Variants in LUZP2 observed in about 807,000 individuals in gnomAD.
The protein encoded by LUZP2 is leucine zipper protein 2.
A neutral mutation model predicts 51.6 loss-of-function variants in LUZP2; 52 were observed. That is an observed-to-expected ratio of 1.01 (90% CI 0.81 to 1.27). LUZP2 has a LOEUF of 1.27. LUZP2 is among the 50% of genes most tolerant of loss of function. LUZP2 has a pLI of 0.00. For synonymous variants in LUZP2, 154 were observed against 137.3 expected, an observed-to-expected ratio of 1.12 and a Z score of -0.85; for missense variants, 436 against 395.4, an observed-to-expected ratio of 1.10 and a Z score of -0.87.
intron 7 of LUZP2, among the ~76,000 whole-genome samples, chr11:24,967,238 A>G (rs1268992818): frequency 2.0e-5 from 3 of 151,944 alleles, no homozygotes; most frequent in Non-Finnish European, 4.4e-5. Flanking sequence ...TCCTGTGGGA[A>G]TTACAGTCTG....
intron 5 of LUZP2, among the ~76,000 whole-genome samples, chr11:24,808,228 C>T (rs1849911699): frequency 6.6e-6 from 1 of 152,134 alleles, no homozygotes; most frequent in Non-Finnish European, 1.5e-5. Context: ...AGCATCATGT[C>T]CTTAAGCCCA....
chr11:24,707,008 AAAAG>A (rs201765998), intron 1 of LUZP2, among the ~76,000 whole-genome samples: 21,239 of 135,860 alleles, frequency 0.16, 1,452 homozygotes, highest in East Asian at 0.31. Flanking sequence ...ATAAAAAAAA[AAAAG>A]AAAAGAAAGG....
chr11:24,981,696 G>A (rs1343263269), intron 8 of LUZP2, among the ~76,000 whole-genome samples: 1 of 151,834 alleles, frequency 6.6e-6, no homozygotes, highest in African/African-American at 2.4e-5. Flanking sequence ...ATTATGTGGG[G>A]AAATCGAGTA....
chr11:24,760,967 A>G (rs1859957337), intron 4 of LUZP2, among the ~76,000 whole-genome samples: 1 of 152,182 alleles, frequency 6.6e-6, no homozygotes, highest in South Asian at 2.1e-4. Context: ...TCAGCTGAGA[A>G]CTAGCCAGTT....
chr11:24,516,158 A>AAGATTAAC (rs1850456257), intron 1 of LUZP2, among the ~76,000 whole-genome samples: 1 of 152,126 alleles, frequency 6.6e-6, no homozygotes, highest in Non-Finnish European at 1.5e-5. Context: ...ACCTGTTTTG[A>AAGATTAAC]AGATTAACAG....
intron 3 of LUZP2, among the ~76,000 whole-genome samples, 184 bp from the exon 4 acceptor site, chr11:24,738,037 G>T (rs1370760531): frequency 1.3e-5 from 2 of 152,100 alleles, no homozygotes; most frequent in African/African-American, 2.4e-5. Flanking sequence ...TATTTGCATG[G>T]GAGAGAAAGC....
At chr11:25,044,652 C>T (rs886069116) in intron 9 of LUZP2, among the ~76,000 whole-genome samples, 61 of 151,948 alleles carry the variant, frequency 4.0e-4, no homozygotes, top group Admixed American at 3.1e-3. Flanking sequence ...GTCAGTGTGG[C>T]GATTCCTCAG....
At chr11:24,903,722 C>CT (rs1853349811) in intron 5 of LUZP2, among the ~76,000 whole-genome samples, 2 of 152,224 alleles carry the variant, frequency 1.3e-5, no homozygotes, top group South Asian at 4.1e-4. Flanking sequence ...AGTCTATGTA[C>CT]TTCAGCTATT....
intron 1 of LUZP2, among the ~76,000 whole-genome samples, chr11:24,681,417 A>G (rs1856733887): frequency 6.6e-6 from 1 of 152,126 alleles, no homozygotes; most frequent in Non-Finnish European, 1.5e-5. Context: ...GTAAGAGGAG[A>G]TCTTTCTTTT....
chr11:24,597,818 C>T (rs1853491953), intron 1 of LUZP2, among the ~76,000 whole-genome samples: 1 of 152,098 alleles, frequency 6.6e-6, no homozygotes, highest in Admixed American at 6.6e-5. Flanking sequence ...AGATACTCAT[C>T]ACCAGCCACC....
intron 1 of LUZP2, among the ~76,000 whole-genome samples, chr11:24,515,082 C>T (rs1280502521): frequency 6.6e-6 from 1 of 152,160 alleles, no homozygotes; most frequent in Non-Finnish European, 1.5e-5. Context: ...TACCATTTCC[C>T]CGATTTCAGG....
At chr11:24,552,255 T>C (rs1187136651) in intron 1 of LUZP2, among the ~76,000 whole-genome samples, 1 of 152,054 alleles carries the variant, frequency 6.6e-6, no homozygotes, top group Non-Finnish European at 1.5e-5. Context: ...AGTGAAGTTA[T>C]TTTGTCATGT....
chr11:24,584,492 T>G (rs146252513), intron 1 of LUZP2, among the ~76,000 whole-genome samples: 5 of 152,322 alleles, frequency 3.3e-5, no homozygotes, highest in African/African-American at 1.2e-4. Flanking sequence ...ATCTATTGCT[T>G]CCCAAAGTGG....
intron 7 of LUZP2, among the ~76,000 whole-genome samples, chr11:24,957,834 A>AT (rs1458601538): frequency 6.6e-6 from 1 of 152,070 alleles, no homozygotes; most frequent in Non-Finnish European, 1.5e-5. Flanking sequence ...TACATGTGCC[A>AT]TGCTGGTGCA....
chr11:25,031,878 A>G (rs1460933262), intron 9 of LUZP2, among the ~76,000 whole-genome samples: 2 of 152,170 alleles, frequency 1.3e-5, no homozygotes. Context: ...ATTTACAAAT[A>G]TATGGTGGAT....
Position 24,652,882 on chromosome 11 carries a change from C to G in LUZP2, c.63-76287C>G, listed in dbSNP as rs142330724. On this transcript the variant is annotated intron_variant, in intron 1 of 11. Transcript: ENST00000336930. Reference sequence around the variant, plus strand: ...AGAAACTTTAATAAGTAATAGGGTTCAAGCTAGTTGGTGGGAAAAGAGCAA... The same window carrying G: ...AGAAACTTTAATAAGTAATAGGGTTGAAGCTAGTTGGTGGGAAAAGAGCAA... Among the ~76,000 whole-genome samples, 277 of 148,680 alleles carry G rather than the reference C, an allele frequency of 1.9e-3. 2 individuals are homozygous for G. The East Asian group carries it at 0.022, about 12-fold the overall frequency.
In LUZP2 at chr11:24,917,236, C is replaced by T. The variant is rs191253651; in HGVS notation, c.522+2698C>T. On this transcript the variant is annotated intron_variant, in intron 7 of 11. Transcript: ENST00000336930. ...TCTTTGTAGATTCTGAATATTAGCC[C>T]TTTGACAGATGAGTAGATTGCAAAA... 2.9e-3 allele frequency among the ~76,000 whole-genome samples: 439 copies of T among 152,166 alleles called. 3 individuals carry two copies. Among genetic ancestry groups the T allele is most frequent in the Admixed American group, 4.8e-3 (74 of 15,272 alleles).
intron 1 of LUZP2, among the ~76,000 whole-genome samples, chr11:24,711,436 C>G (rs549616441): frequency 2.7e-5 from 4 of 148,818 alleles, no homozygotes; most frequent in Non-Finnish European, 5.9e-5. Flanking sequence ...GGCGACAGAG[C>G]GAGACTCCAT....
chr11:24,762,636 TA>T (rs2134031641), intron 4 of LUZP2, among the ~76,000 whole-genome samples: 1 of 152,260 alleles, frequency 6.6e-6, no homozygotes, highest in East Asian at 1.9e-4. Context: ...ATAAATTCTA[TA>T]AAAAGTCTTG....
Sources: gnomAD v4.1 joint callset for allele counts (sites outside exome capture counted in the v4.1 genomes callset) on GRCh38, gnomAD v4.1.1 for gene constraint, MANE v1.5 for transcripts, NCBI Gene and HGNC (gene_info 2026-07-23, HGNC 2026-07-21) for gene names.